Variants in ANP32E observed in about 807,000 individuals in gnomAD.
ANP32E encodes the protein acidic nuclear phosphoprotein 32 family member E, also known as acidic leucine-rich nuclear phosphoprotein 32 family member E.
In ANP32E, 14 loss-of-function variants were observed where a neutral mutation model predicts 35.3. That is an observed-to-expected ratio of 0.40 (90% CI 0.26 to 0.62). The LOEUF is 0.62. Ranked by LOEUF, ANP32E falls within the 20% of genes least tolerant of loss-of-function variation. The probability of loss-of-function intolerance (pLI) is 0.45; values close to 1 mark genes in which losing one functional copy is unlikely to be tolerated. For missense variants in ANP32E, 198 were observed against 304.4 expected, an observed-to-expected ratio of 0.65 and a Z score of 2.60; for synonymous variants, 89 against 110.4, an observed-to-expected ratio of 0.81 and a Z score of 1.22.
chr1:150,220,736 C>G lies in ANP32E; in HGVS notation c.762G>C (p.Lys254Asn). Residue 254 changes from lysine to asparagine, a missense_variant, in exon 7 of 7, where the codon AAG becomes AAC. Transcript: ENST00000583931. ...CATCGTCTTCAGCATCTCGTTTCCTCTTCTCCCCTCGAAGACCTCCTTCTT... is the reference window on the plus strand; with the variant it reads ...CATCGTCTTCAGCATCTCGTTTCCTGTTCTCCCCTCGAAGACCTCCTTCTT... ...EEEEGGLRGEKRKRDAEDDGE... is the reference protein window; with the variant it reads ...EEEEGGLRGENRKRDAEDDGE... The G allele has an allele frequency of 6.2e-7, 1 of 1,613,970 alleles. No individual in the cohort carries two copies. Among genetic ancestry groups the G allele is most frequent in the Non-Finnish European group, 8.5e-7 (1 of 1,179,954 alleles).
chr1:150,221,595 AGGG>A (rs1648403802), intron 6 of ANP32E, among the ~76,000 whole-genome samples: 3 of 74,948 alleles, frequency 4.0e-5, no homozygotes, highest in African/African-American at 1.2e-4. Flanking sequence ...GGAGGGAGGG[AGGG>A]AGGGAGGGAA....
intron 1 of ANP32E, among the ~76,000 whole-genome samples, chr1:150,233,122 G>A (rs1272898999): frequency 3.3e-5 from 5 of 151,738 alleles, no homozygotes; most frequent in African/African-American, 9.7e-5. Flanking sequence ...AAAATCAGCC[G>A]GGCGTGATGG....
At chr1:150,233,006 T>A (rs1649488584) in intron 1 of ANP32E, among the ~76,000 whole-genome samples, 1 of 151,908 alleles carries the variant, frequency 6.6e-6, no homozygotes, top group South Asian at 2.1e-4. Flanking sequence ...GGCTCACGCC[T>A]GTAATCCCAG....
chr1:150,232,660 A>G (rs1043981008), intron 1 of ANP32E, among the ~76,000 whole-genome samples: 3 of 151,576 alleles, frequency 2.0e-5, no homozygotes, highest in East Asian at 2.0e-4. Flanking sequence ...TTTAGTAGAG[A>G]CAGGGTTTTG....
Position 150,220,696 on chromosome 1 carries a change from C to T in ANP32E, c.802G>A (p.Asp268Asn), listed in dbSNP as rs1553837430. The T allele has an allele frequency of 1.2e-6, 2 of 1,613,754 alleles. No individual in the cohort carries two copies. The highest frequency in any genetic ancestry group is 1.7e-6 in the Non-Finnish European group (2 of 1,179,856). ...DAEDDGEEED[D>N] ...GAATCTGGTCTTAGAATGATCTAGT[C>T]ATCTTCTTCCTCTCCATCGTCTTCA... The change falls in exon 7 of 7, where the codon GAC (aspartate) becomes AAC (asparagine). Residue 268 changes from aspartate to asparagine, a missense_variant. By Grantham distance (23) the Asp-to-Asn change is conservative. Transcript: ENST00000583931.
rs1648291274 is a variant in ANP32E, at chr1:150,220,860, C to G, written c.737-99G>C. 9 of 962,066 alleles carry G rather than the reference C, an allele frequency of 9.4e-6. No individual in the cohort carries two copies. In the South Asian group the frequency reaches 1.2e-4, roughly 13 times the overall value. 59.6% of individuals were successfully genotyped at this position (962,066 alleles called of 1,614,324 possible). A position where few individuals can be genotyped will look rare whatever the true frequency, so the allele number is the denominator to read the frequency against. Reference sequence around the variant, plus strand: ...GTGAAAAGTTAATGGCAAGGCCTAGCACGGTGGCTCACACCTGTAATCCCA... The same window carrying G: ...GTGAAAAGTTAATGGCAAGGCCTAGGACGGTGGCTCACACCTGTAATCCCA... On this transcript the variant is annotated intron_variant, in intron 6 of 6. Transcript: ENST00000583931.
Position 150,220,483 on chromosome 1 carries a change from T to G in ANP32E, c.*208A>C. ...TTGCTAGGGAATTCCACAATGGGAG[T>G]CAATGAAAATTTTTCTCTACATACA... On this transcript the variant is annotated 3_prime_UTR_variant, in exon 7 of 7. Transcript: ENST00000583931. 1 of 486,228 alleles carries G rather than the reference T, an allele frequency of 2.1e-6. No individual in the cohort carries two copies. The highest frequency in any genetic ancestry group is 3.7e-6 in the Non-Finnish European group (1 of 270,978). 30.1% of individuals were successfully genotyped at this position (486,228 alleles called of 1,614,324 possible). A position where few individuals can be genotyped will look rare whatever the true frequency, so the allele number is the denominator to read the frequency against.
Position 150,230,579 on chromosome 1 carries a change from C to G in ANP32E, c.319G>C (p.Glu107Gln). The change falls in exon 3 of 7, where the codon GAA becomes CAA. Residue 107 changes from glutamate to glutamine, a missense_variant. Glu to Gln is a conservative substitution (Grantham distance 29). Transcript: ENST00000583931. ...AAAACTGTTCCACTTACCAGAGCTTCTACTGTACTGAGATCTTTTATTTTG... is the reference window on the plus strand; with the variant it reads ...AAAACTGTTCCACTTACCAGAGCTTGTACTGTACTGAGATCTTTTATTTTG... ...GNKIKDLSTV[E>Q]ALQNLKNLKS... The G allele has an allele frequency of 6.2e-7, 1 of 1,609,932 alleles. No homozygotes were observed. Among genetic ancestry groups the G allele is most frequent in the Non-Finnish European group, 8.5e-7 (1 of 1,178,318 alleles).
chr1:150,233,711 G>T (rs1649554732), intron 1 of ANP32E, among the ~76,000 whole-genome samples: 1 of 152,042 alleles, frequency 6.6e-6, no homozygotes, highest in African/African-American at 2.4e-5. Flanking sequence ...CTAAAATTTG[G>T]CAACAAGGAA....
Position 150,226,638 on chromosome 1 carries a change from G to A in ANP32E, c.651C>T (p.Gly217=), listed in dbSNP as rs782479690. The stretch of plus-strand genomic sequence containing the variant: ...TTTCTTCTTTCATTAAGTATGAGAG[G>A]CCCACTTCCTCTTCTCCCTCTCCCA... ...SELGEGEEEV[G]LSYLMKEEIQ... Residue 217 remains glycine (G), a synonymous_variant, in exon 5 of 7, where the codon GGC becomes GGT. Coordinates refer to ENST00000583931, the MANE Select transcript of ANP32E (RefSeq NM_030920.5). 3 of 1,613,528 alleles carry A rather than the reference G, an allele frequency of 1.9e-6. No individual in the cohort carries two copies. Among genetic ancestry groups the A allele is most frequent in the East Asian group, 2.2e-5 (1 of 44,846 alleles).
intron 1 of ANP32E, among the ~76,000 whole-genome samples, chr1:150,232,330 G>C (rs1418370770): frequency 1.3e-5 from 1 of 76,328 alleles, no homozygotes; most frequent in Non-Finnish European, 2.4e-5. Flanking sequence ...GGCGACAGAG[G>C]GAGACTCCGT....
Position 150,235,952 on chromosome 1 carries a change from C to T in ANP32E, c.-166G>A, listed in dbSNP as rs1468088418. 4 of 608,962 alleles carry T rather than the reference C, an allele frequency of 6.6e-6. No individual in the cohort carries two copies. The East Asian group carries it at 1.1e-4, about 17-fold the overall frequency. The allele number at this position is 608,962 out of a possible 1,614,324, so 37.7% of individuals were successfully genotyped here. A position where few individuals can be genotyped will look rare whatever the true frequency, so the allele number is the denominator to read the frequency against. ...GTGTGGGGGAGAAAGAAGAGAATAG[C>T]AAATGGAGTCCAAGAGTTGGGACTC... is the stretch of plus-strand genomic sequence containing the variant. On this transcript the variant is annotated 5_prime_UTR_variant, in exon 1 of 7. Coordinates refer to ENST00000583931, the MANE Select transcript of ANP32E (RefSeq NM_030920.5). This position sits in a 1 kb window ranked among gnomAD's most constrained non-coding sequence, Gnocchi z 4.2.
In ANP32E at chr1:150,226,730, C is replaced by T. The variant is rs147140632; in HGVS notation, c.559G>A (p.Glu187Lys). 511 of 1,588,930 alleles carry T rather than the reference C, an allele frequency of 3.2e-4. No homozygotes were observed. The highest frequency in any genetic ancestry group is 4.0e-4 in the Non-Finnish European group (464 of 1,157,876). The part of the protein sequence containing the change: ...EAGPPEGYEE[E>K]EEEEEEEDED... ...TCCTCCTCTTCCTCTTCCTCCTCCT[C>T]TTCCTCATATCCTTCCGGTGGACCA... Residue 187 changes from glutamate to lysine, a missense_variant, in exon 5 of 7, where the codon GAG (glutamate) becomes AAG (lysine). Physicochemically the swap from Glu to Lys is moderately conservative, Grantham distance 56. This residue lies in a region of ANP32E where 121 missense variants were observed against 137.3 expected (regional missense o/e 0.88). Coordinates refer to ENST00000583931, the MANE Select transcript of ANP32E (RefSeq NM_030920.5).
rs1204543283 is a variant in ANP32E, at chr1:150,235,269, G to A, written c.54+464C>T. Among the ~76,000 whole-genome samples the A allele has an allele frequency of 3.3e-5, 5 of 152,236 alleles. No homozygotes were observed. In the East Asian group the frequency reaches 7.7e-4, roughly 23 times the overall value. On this transcript the variant is annotated intron_variant, in intron 1 of 6. Coordinates refer to ENST00000583931, the MANE Select transcript of ANP32E (RefSeq NM_030920.5). This position sits in a 1 kb window ranked among gnomAD's most constrained non-coding sequence, Gnocchi z 4.2. ...CGACGTCGGACGCCCAGGGCCTCGA[G>A]GCCGGGGAAGCCCACCCCCTAAAAA...
intron 5 of ANP32E, among the ~76,000 whole-genome samples, chr1:150,225,665 T>TCAA (rs1339242877): frequency 0.7 from 58,594 of 83,526 alleles, 27,607 homozygotes; most frequent in Non-Finnish European, 0.82. Context: ...AGTGAGACTG[T>TCAA]AACAAAAAAA....
chr1:150,220,396 A>C lies in ANP32E; in HGVS notation c.*295T>G. 1 of 277,490 alleles carries C rather than the reference A, an allele frequency of 3.6e-6. No individual in the cohort carries two copies. The highest frequency in any genetic ancestry group is 4.6e-5 in the South Asian group (1 of 21,600). 17.2% of individuals were successfully genotyped at this position (277,490 alleles called of 1,614,324 possible). On this transcript the variant is annotated 3_prime_UTR_variant, in exon 7 of 7. Coordinates refer to ENST00000583931, the MANE Select transcript of ANP32E (RefSeq NM_030920.5). ...ACCTGTGTAAAAGTGATCATGTTTTAATTATGGGCTAAAAATGACTAATAC... is the reference window on the plus strand; with the variant it reads ...ACCTGTGTAAAAGTGATCATGTTTTCATTATGGGCTAAAAATGACTAATAC...
intron 1 of ANP32E, chr1:150,234,451 G>T (rs1649613461): frequency 3.6e-6 from 1 of 279,164 alleles, no homozygotes; most frequent in Non-Finnish European, 5.3e-6. Flanking sequence ...AATCTTAGTT[G>T]CCACTCCACA....
At chr1:150,233,099 T>C (rs1260245729) in intron 1 of ANP32E, among the ~76,000 whole-genome samples, 2 of 151,612 alleles carry the variant, frequency 1.3e-5, no homozygotes, top group Non-Finnish European at 2.9e-5. Context: ...ACCCCGTCCC[T>C]ACTAAAAATA....
intron 5 of ANP32E, among the ~76,000 whole-genome samples, chr1:150,224,560 C>T (rs1234266607): frequency 1.6e-5 from 2 of 127,494 alleles, no homozygotes; most frequent in Non-Finnish European, 3.2e-5. Flanking sequence ...GCGACAAGAA[C>T]GAAACTCCGT....
Sources: gnomAD v4.1 joint callset for allele counts (sites outside exome capture counted in the v4.1 genomes callset) on GRCh38, gnomAD v4.1.1 for gene constraint, gnomAD v4.1.1 regional missense constraint, Gnocchi (gnomAD v3.1) non-coding constraint, MANE v1.5 for transcripts, NCBI Gene and HGNC (gene_info 2026-07-23, HGNC 2026-07-21) for gene names.